CSGALNACT1: variants seen among roughly 807,000 people sequenced by gnomAD.
CSGALNACT1 encodes beta4GalNAcT-1.
Under a neutral mutation model 51.0 loss-of-function variants are expected in CSGALNACT1, and 52 were observed. The observed-to-expected ratio is 1.02, with a 90% CI of 0.82 to 1.29. CSGALNACT1 has a LOEUF of 1.29. Ranked by LOEUF, CSGALNACT1 falls within the 50% of genes most tolerant of loss-of-function variation. CSGALNACT1 has a pLI of 0.00. For synonymous variants in CSGALNACT1, 341 were observed against 254.4 expected (o/e 1.34, Z -3.24); for missense variants, 935 against 679.2 (o/e 1.38, Z -4.19).
chr8:19,751,469 C>T (rs564581251), intron 1 of CSGALNACT1, among the ~76,000 whole-genome samples: 4 of 152,216 alleles, frequency 2.6e-5, no homozygotes, highest in African/African-American at 9.6e-5. Context: ...CCTTTGCAAA[C>T]ATTATTATAA....
intron 1 of CSGALNACT1, among the ~76,000 whole-genome samples, chr8:19,650,702 G>A (rs1371720238): frequency 1.3e-5 from 2 of 152,136 alleles, no homozygotes; most frequent in African/African-American, 4.8e-5. Context: ...GAAACAACAC[G>A]CTTAAGCACT....
intron 5 of CSGALNACT1, among the ~76,000 whole-genome samples, chr8:19,450,142 G>T (rs1278060599): frequency 6.7e-5 from 4 of 59,398 alleles, no homozygotes; most frequent in African/African-American, 2.5e-4. Context: ...GGTGGAGGGG[G>T]AAAAGGAGGA....
At chr8:19,609,669 G>A (rs1252461725) in intron 1 of CSGALNACT1, among the ~76,000 whole-genome samples, 4 of 151,804 alleles carry the variant, frequency 2.6e-5, no homozygotes, top group Non-Finnish European at 5.9e-5. Flanking sequence ...GGGGTGAGAG[G>A]GGCAAAGAAG....
intron 1 of CSGALNACT1, among the ~76,000 whole-genome samples, chr8:19,655,559 T>TGCACATATATATACAC (rs1564359796): frequency 1.3e-4 from 19 of 140,966 alleles, no homozygotes; most frequent in South Asian, 6.4e-4. Flanking sequence ...CACATATATA[T>TGCACATATATATACAC]ACACACACAC....
At chr8:19,501,452 A>G (rs562437272) in intron 4 of CSGALNACT1, among the ~76,000 whole-genome samples, 2 of 152,264 alleles carry the variant, frequency 1.3e-5, no homozygotes, top group African/African-American at 4.8e-5. Context: ...CAGCACCCTC[A>G]AAGCCTTCAC....
intron 1 of CSGALNACT1, among the ~76,000 whole-genome samples, chr8:19,661,283 T>C (rs757402631): frequency 3.7e-4 from 57 of 152,110 alleles, no homozygotes; most frequent in Non-Finnish European, 7.1e-4. Flanking sequence ...AGCCTTGCAA[T>C]GGCCTGGAAA....
intron 2 of CSGALNACT1, among the ~76,000 whole-genome samples, chr8:19,598,261 G>A (rs754984934): frequency 1.1e-4 from 17 of 152,264 alleles, no homozygotes; most frequent in South Asian, 6.2e-4. Flanking sequence ...ATGCATCACC[G>A]GATACCCATT....
At chr8:19,409,378 C>T (rs962168134) in intron 8 of CSGALNACT1, among the ~76,000 whole-genome samples, 1 of 152,300 alleles carries the variant, frequency 6.6e-6, no homozygotes, top group East Asian at 1.9e-4. Flanking sequence ...TGGTGCCAGC[C>T]TGCAGGGCTG....
chr8:19,597,692 G>C (rs574393741), intron 2 of CSGALNACT1, among the ~76,000 whole-genome samples: 1 of 152,294 alleles, frequency 6.6e-6, no homozygotes, highest in East Asian at 1.9e-4. Context: ...AGAAAATACA[G>C]ATGTTAAAAG....
At chr8:19,754,008 C>T (rs1487406966) in intron 1 of CSGALNACT1, among the ~76,000 whole-genome samples, 1 of 151,590 alleles carries the variant, frequency 6.6e-6, no homozygotes, top group African/African-American at 2.4e-5. Context: ...TGTGATAAAA[C>T]ACTTTTTAAA....
At position 19,407,905 on chromosome 8, in the gene CSGALNACT1, TTGTGTGTGTGTGTGTGTGTGTGTGTG is replaced by T. The variant is rs60746708; in HGVS notation, c.1309+682_1309+707del. ...GCATGTGGACATTTGTGTATATGAATTGTGTGTGTGTGTGTGTGTGTGTGTGTGTGTGTGTGTGTGTGTGTATTGGC... is the reference window on the plus strand; with the variant it reads ...GCATGTGGACATTTGTGTATATGAATTGTGTGTGTGTGTGTGTGTATTGGC... On this transcript the variant is annotated intron_variant, in intron 9 of 9. Coordinates refer to ENST00000454498, the Ensembl canonical transcript of CSGALNACT1. Among the ~76,000 whole-genome samples, 6 of 112,722 alleles carry T rather than the reference TTGTGTGTGTGTGTGTGTGTGTGTGTG, an allele frequency of 5.3e-5. 1 individual carries two copies. In the South Asian group the frequency reaches 1.7e-3, roughly 31 times the overall value. 74.0% of individuals were successfully genotyped at this position (112,722 alleles called of 152,430 possible).
intron 6 of CSGALNACT1, among the ~76,000 whole-genome samples, chr8:19,438,633 C>G (rs1309300890): frequency 6.6e-6 from 1 of 152,192 alleles, no homozygotes; most frequent in Non-Finnish European, 1.5e-5. Flanking sequence ...GTGAGTCACA[C>G]AGTCTTTGTG....
intron 1 of CSGALNACT1, among the ~76,000 whole-genome samples, chr8:19,635,589 A>G (rs977591607): frequency 6.6e-6 from 1 of 151,726 alleles, no homozygotes; most frequent in Non-Finnish European, 1.5e-5. Context: ...TCCTCCCCTC[A>G]CCATTCACAG....
At chr8:19,440,290 T>A (rs1002561179) in intron 5 of CSGALNACT1, among the ~76,000 whole-genome samples, 24 of 152,106 alleles carry the variant, frequency 1.6e-4, no homozygotes, top group African/African-American at 5.8e-4. Flanking sequence ...ACCAATATCC[T>A]TGATGAACAT....
At chr8:19,632,228 T>C (rs2055366757) in intron 1 of CSGALNACT1, among the ~76,000 whole-genome samples, 1 of 152,248 alleles carries the variant, frequency 6.6e-6, no homozygotes, top group Admixed American at 6.5e-5. Context: ...TAACTTTACA[T>C]AATCAAAATC....
At chr8:19,742,947 T>C (rs1446706140) in intron 1 of CSGALNACT1, among the ~76,000 whole-genome samples, 1 of 152,348 alleles carries the variant, frequency 6.6e-6, no homozygotes, top group Middle Eastern at 3.4e-3. Flanking sequence ...CTTCTCCTTC[T>C]GTGGTGCAGA....
At chr8:19,420,055 C>T (rs573612097) in intron 7 of CSGALNACT1, among the ~76,000 whole-genome samples, 1 of 152,174 alleles carries the variant, frequency 6.6e-6, no homozygotes, top group Non-Finnish European at 1.5e-5. Flanking sequence ...GATAGACTTC[C>T]CTTTGCTCCT....
chr8:19,737,737 G>C (rs972206433), intron 1 of CSGALNACT1, among the ~76,000 whole-genome samples: 5 of 152,164 alleles, frequency 3.3e-5, no homozygotes, highest in African/African-American at 1.2e-4. Context: ...CTTAAAGACT[G>C]AGATCATCAC....
exon 10 of CSGALNACT1, chr8:19,404,778 A>C (rs1257230654): frequency 6.6e-6 from 3 of 454,564 alleles, no homozygotes; most frequent in Non-Finnish European, 8.8e-6. Context: ...TCTGACTTTT[A>C]GGTACATCAC....
Sources: allele counts gnomAD v4.1 joint callset (sites outside exome capture counted in the v4.1 genomes callset), GRCh38; gene constraint gnomAD v4.1.1; transcripts MANE v1.5; gene names NCBI Gene and HGNC (gene_info 2026-07-23, HGNC 2026-07-21).